Variants in FRMD6 observed in about 807,000 individuals in gnomAD.
The protein encoded by FRMD6 is FERM domain containing 6, also known as FERM domain-containing protein 6.
In FRMD6, 37 loss-of-function variants were observed where a neutral mutation model predicts 73.2. That is an observed-to-expected ratio of 0.51 (90% CI 0.39 to 0.66). The LOEUF is 0.66. Ranked by LOEUF, FRMD6 falls within the 30% of genes least tolerant of loss-of-function variation. FRMD6 has a pLI of 0.00. For synonymous variants in FRMD6, 273 were observed against 282.2 expected, an observed-to-expected ratio of 0.97 and a Z score of 0.33; for missense variants, 714 against 780.5, an observed-to-expected ratio of 0.91 and a Z score of 1.02.
chr14:51,578,247 T>C (rs959791597), intron 2 of FRMD6, among the ~76,000 whole-genome samples: 3 of 152,114 alleles, frequency 2.0e-5, no homozygotes, highest in Non-Finnish European at 2.9e-5. Context: ...TTGGTTATCA[T>C]AGTAATCCTG....
chr14:51,682,734 A>T (rs1284328750), intron 1 of FRMD6, among the ~76,000 whole-genome samples: 1 of 152,204 alleles, frequency 6.6e-6, no homozygotes, highest in Non-Finnish European at 1.5e-5. Flanking sequence ...ATTTTCACAA[A>T]GAGCAATACA....
chr14:51,663,188 A>G (rs1442176333), intron 1 of FRMD6, among the ~76,000 whole-genome samples: 1 of 152,244 alleles, frequency 6.6e-6, no homozygotes, highest in African/African-American at 2.4e-5. Flanking sequence ...TAGTTCCACC[A>G]TTGTGGAAGA....
chr14:51,585,939 G>GTGTGTGTGTGTGTATATATATA lies in FRMD6; in HGVS notation c.-147+15530_-147+15531insGTGTGTGTGTGTATATATATAT. On this transcript the variant is annotated intron_variant, in intron 2 of 14. Coordinates refer to the FRMD6 transcript ENST00000356218. ...TGCCATGGCATGTGTGTGTGTGTGT[G>GTGTGTGTGTGTGTATATATATA]TATATATATATATATATATATAACA... 1.5e-3 allele frequency among the ~76,000 whole-genome samples: 46 copies of GTGTGTGTGTGTGTATATATATA among 31,416 alleles called. 1 individual carries two copies. The highest frequency in any genetic ancestry group is 3.0e-3 in the African/African-American group (44 of 14,638). 20.6% of individuals were successfully genotyped at this position (31,416 alleles called of 152,430 possible).
chr14:51,414,784 T>C, the FRMD6 span, among the ~76,000 whole-genome samples: 1 of 152,236 alleles, frequency 6.6e-6, no homozygotes, highest in African/African-American at 2.4e-5. Flanking sequence ...TTCCTATCCA[T>C]GAGCATGGAA....
At chr14:51,489,017 T>C (rs969319388), upstream of FRMD6, 13 of 152,344 alleles carry the variant, frequency 8.5e-5, no homozygotes, top group Non-Finnish European at 1.6e-4. Context: ...ATCAGAAATC[T>C]GGAGGCTCGC....
chr14:51,502,261 G>T (rs1883669258), intron 1 of FRMD6, among the ~76,000 whole-genome samples: 1 of 152,166 alleles, frequency 6.6e-6, no homozygotes. Flanking sequence ...TTTTCGTCAT[G>T]AAATCTTTGC....
the FRMD6 span, among the ~76,000 whole-genome samples, chr14:51,469,349 C>G: frequency 6.7e-6 from 1 of 150,032 alleles, no homozygotes. Flanking sequence ...CCCTATGGCT[C>G]ACGCCTGTAA....
At chr14:51,470,127 AC>A in the FRMD6 span, among the ~76,000 whole-genome samples, 24 of 152,074 alleles carry the variant, frequency 1.6e-4, 1 homozygote, top group Middle Eastern at 6.8e-3. Flanking sequence ...TATAATGATA[AC>A]CCCCTTTTCA....
chr14:51,653,620 T>G (rs1892594758), intron 1 of FRMD6, among the ~76,000 whole-genome samples: 1 of 151,552 alleles, frequency 6.6e-6, no homozygotes, highest in South Asian at 2.1e-4. Flanking sequence ...GGATGGAGAG[T>G]GGGGGAGGGG....
chr14:51,500,726 A>G (rs950643169), intron 1 of FRMD6, among the ~76,000 whole-genome samples: 3 of 152,204 alleles, frequency 2.0e-5, no homozygotes, highest in Non-Finnish European at 4.4e-5. Context: ...TGAAGGCCAT[A>G]GAAGATTATA....
At chr14:51,415,127 C>T in the FRMD6 span, among the ~76,000 whole-genome samples, 2 of 152,050 alleles carry the variant, frequency 1.3e-5, no homozygotes, top group Non-Finnish European at 2.9e-5. Flanking sequence ...TCTTTTCCTA[C>T]TTGAATACCC....
the FRMD6 span, among the ~76,000 whole-genome samples, chr14:51,404,277 T>C: frequency 6.6e-6 from 1 of 152,176 alleles, no homozygotes; most frequent in Non-Finnish European, 1.5e-5. Flanking sequence ...TTTTTATATA[T>C]TCTGAATATT....
At chr14:51,430,268 CGAAA>C in the FRMD6 span, among the ~76,000 whole-genome samples, 3 of 152,156 alleles carry the variant, frequency 2.0e-5, no homozygotes, top group East Asian at 5.8e-4. Context: ...CGTTAAAAGC[CGAAA>C]GAAAGAGTTC....
intron 2 of FRMD6, among the ~76,000 whole-genome samples, chr14:51,692,357 T>C (rs1339507683): frequency 2.0e-5 from 3 of 152,238 alleles, no homozygotes; most frequent in Admixed American, 1.3e-4. Flanking sequence ...TTTTACTTTT[T>C]ATACAGTTAT....
At chr14:51,641,711 A>T (rs533051882) in intron 2 of FRMD6, among the ~76,000 whole-genome samples, 1 of 152,294 alleles carries the variant, frequency 6.6e-6, no homozygotes, top group Admixed American at 6.5e-5. Context: ...TCAATGTTCC[A>T]GTCAAGTTCA....
chr14:51,421,855 C>A, the FRMD6 span, among the ~76,000 whole-genome samples: 1 of 152,188 alleles, frequency 6.6e-6, no homozygotes, highest in Admixed American at 6.5e-5. Flanking sequence ...GAAGGCAGCC[C>A]AGGCCTGCAG....
the FRMD6 span, among the ~76,000 whole-genome samples, chr14:51,474,484 G>A: frequency 2.6e-5 from 4 of 152,336 alleles, no homozygotes; most frequent in South Asian, 8.3e-4. Context: ...AGTGGGGCTG[G>A]TGGGGCCGGA....
chr14:51,569,823 CTTT>C (rs11350712), intron 1 of FRMD6, among the ~76,000 whole-genome samples: 1 of 141,040 alleles, frequency 7.1e-6, no homozygotes. Context: ...TCTTCTTTTT[CTTT>C]TTTTTTTTTG....
chr14:51,585,284 C>G (rs1190244438), intron 2 of FRMD6, among the ~76,000 whole-genome samples: 1 of 152,192 alleles, frequency 6.6e-6, no homozygotes, highest in African/African-American at 2.4e-5. Context: ...AGTAAACCAT[C>G]TTTCACCTTC....
Sources: allele counts gnomAD v4.1 joint callset (sites outside exome capture counted in the v4.1 genomes callset), GRCh38; gene constraint gnomAD v4.1.1; transcripts MANE v1.5; gene names NCBI Gene and HGNC (gene_info 2026-07-23, HGNC 2026-07-21).